Variants in THRAP3 observed in about 807,000 individuals in gnomAD.
The protein encoded by THRAP3 is thyroid hormone receptor-associated protein 3.
Under a neutral mutation model 101.0 loss-of-function variants are expected in THRAP3, and 16 were observed. The observed-to-expected ratio is 0.16, with a 90% CI of 0.11 to 0.24. The LOEUF is 0.24. Among genes scored for constraint, THRAP3 ranks in the 10% least tolerant of loss-of-function variants. The pLI is 1.00. For missense variants in THRAP3, 989 were observed against 1,202.7 expected, an observed-to-expected ratio of 0.82 and a Z score of 2.63; for synonymous variants, 407 against 422.6, an observed-to-expected ratio of 0.96 and a Z score of 0.45.
intron 9 of THRAP3, among the ~76,000 whole-genome samples, chr1:36,298,289 G>A (rs1034142653): frequency 2.6e-5 from 4 of 152,050 alleles, no homozygotes; most frequent in African/African-American, 9.7e-5. Flanking sequence ...TAAAGAACCT[G>A]CGAATCCTCA....
chr1:36,211,020 T>C, the THRAP3 span, among the ~76,000 whole-genome samples: 1 of 150,792 alleles, frequency 6.6e-6, no homozygotes, highest in African/African-American at 2.4e-5. Context: ...GAAACCAGCC[T>C]GGGCAACAAA....
intron 9 of THRAP3, among the ~76,000 whole-genome samples, chr1:36,298,519 G>A (rs575789386): frequency 1.3e-5 from 2 of 152,026 alleles, no homozygotes; most frequent in South Asian, 4.2e-4. Context: ...TTTTTTGGAC[G>A]ATCTTGCTCT....
chr1:36,225,574 T>TA (rs1644952677), intron 1 of THRAP3: 1 of 152,122 alleles, frequency 6.6e-6, no homozygotes, highest in African/African-American at 2.4e-5. Context: ...GTTTTTTTTT[T>TA]AGAGTGTGCG....
At chr1:36,255,096 T>C (rs1172297765) in intron 1 of THRAP3, among the ~76,000 whole-genome samples, 1 of 152,222 alleles carries the variant, frequency 6.6e-6, no homozygotes, top group Non-Finnish European at 1.5e-5. Flanking sequence ...ATTTTTTTTT[T>C]ACAGTGGGGA....
At chr1:36,247,798 A>C (rs1388324411) in intron 1 of THRAP3, among the ~76,000 whole-genome samples, 1 of 151,302 alleles carries the variant, frequency 6.6e-6, no homozygotes, top group East Asian at 1.9e-4. Flanking sequence ...TATTTACTGC[A>C]CTTACCATGT....
At chr1:36,243,518 G>C (rs1438820679) in intron 1 of THRAP3, among the ~76,000 whole-genome samples, 1 of 152,128 alleles carries the variant, frequency 6.6e-6, no homozygotes, top group Non-Finnish European at 1.5e-5. Flanking sequence ...TTGGGGGCAA[G>C]GTCACAGATC....
intron 1 of THRAP3, among the ~76,000 whole-genome samples, chr1:36,253,066 T>G (rs566727375): frequency 2.1e-3 from 318 of 151,072 alleles, no homozygotes; most frequent in Middle Eastern, 6.8e-3. Context: ...GGTTTCCAAG[T>G]TAGCAGTGCC....
intron 1 of THRAP3, among the ~76,000 whole-genome samples, chr1:36,256,195 A>G (rs1208747766): frequency 4.4e-5 from 5 of 114,104 alleles, no homozygotes; most frequent in Admixed American, 9.0e-5. Flanking sequence ...CTGGATTATT[A>G]TTATTATTAT....
rs118033527 is a variant in THRAP3, at chr1:36,237,824, T to C, written c.-135+13319T>C. On this transcript the variant is annotated intron_variant, in intron 1 of 11. Coordinates refer to ENST00000354618, the MANE Select transcript of THRAP3 (RefSeq NM_005119.4). Reference sequence around the variant, plus strand: ...CTAGGTAGGAAATAGGTTTTTTTTGTGTGTGTGTGTGTTTTTGGAGACAAC... The same window carrying C: ...CTAGGTAGGAAATAGGTTTTTTTTGCGTGTGTGTGTGTTTTTGGAGACAAC... Among the ~76,000 whole-genome samples the C allele has an allele frequency of 4.0e-4, 61 of 151,448 alleles. 1 individual carries two copies. In the East Asian group the frequency reaches 8.9e-3, roughly 22 times the overall value.
chr1:36,285,519 TTATA>T (rs1447638295), intron 3 of THRAP3, among the ~76,000 whole-genome samples: 1 of 152,140 alleles, frequency 6.6e-6, no homozygotes, highest in Non-Finnish European at 1.5e-5. Context: ...TCTACCAGAG[TTATA>T]TATTGTTAAA....
At chr1:36,247,870 C>CT (rs550667195) in intron 1 of THRAP3, among the ~76,000 whole-genome samples, 3,117 of 128,502 alleles carry the variant, frequency 0.024, 90 homozygotes, top group African/African-American at 0.058. Context: ...CCATCTTCAT[C>CT]TTTTTTTTTT....
At chr1:36,249,027 G>A (rs1645265625) in intron 1 of THRAP3, among the ~76,000 whole-genome samples, 1 of 151,178 alleles carries the variant, frequency 6.6e-6, no homozygotes, top group Admixed American at 6.6e-5. Flanking sequence ...AGCTGGGACT[G>A]TAGGCATGCA....
intron 9 of THRAP3, among the ~76,000 whole-genome samples, chr1:36,297,927 A>T (rs1255566579): frequency 1.3e-5 from 2 of 150,698 alleles, no homozygotes; most frequent in Non-Finnish European, 3.0e-5. Flanking sequence ...CAGGAAGATC[A>T]CGTGGTCAGG....
chr1:36,260,054 CAACATAGTGA>C (rs1481882261), intron 2 of THRAP3, among the ~76,000 whole-genome samples: 1 of 151,650 alleles, frequency 6.6e-6, no homozygotes, highest in Non-Finnish European at 1.5e-5. Flanking sequence ...CCAGCCTGGC[CAACATAGTGA>C]AACCCCGTCT....
At chr1:36,275,771 C>CAACA (rs1645652104) in intron 2 of THRAP3, among the ~76,000 whole-genome samples, 2 of 151,854 alleles carry the variant, frequency 1.3e-5, no homozygotes, top group Admixed American at 1.3e-4. Context: ...CCTGTAATCC[C>CAACA]AACACTTGGG....
chr1:36,296,666 A>G lies in THRAP3; in HGVS notation c.2199A>G (p.Lys733=). 1 of 1,610,802 alleles carries G rather than the reference A, an allele frequency of 6.2e-7. No homozygotes were observed. Among genetic ancestry groups the G allele is most frequent in the Non-Finnish European group, 8.5e-7 (1 of 1,179,304 alleles). ...AAAAACATAAGGAGAGAGATCTTAA[A>G]CGAGGTAAATCGAGAGAATCAGTGG... ...RRKKHKERDL[K]RGKSRESVDS... Residue 733 remains lysine, a synonymous_variant, in exon 9 of 12, where the codon AAA becomes AAG. Transcript: ENST00000354618.
Position 36,278,848 on chromosome 1 carries a change from A to G in THRAP3, c.-31-3685A>G, listed in dbSNP as rs536537131. Among the ~76,000 whole-genome samples the G allele has an allele frequency of 3.3e-5, 5 of 152,196 alleles. No homozygotes were observed. In the East Asian group the frequency reaches 9.6e-4, roughly 29 times the overall value. On this transcript the variant is annotated intron_variant, in intron 2 of 11. Coordinates refer to ENST00000354618, the MANE Select transcript of THRAP3 (RefSeq NM_005119.4). ...TGAGGCAGGAGAATCACTTGAACCC[A>G]GGTGGCAGAGGTTGCAGTGAGCTGA...
intron 1 of THRAP3, among the ~76,000 whole-genome samples, chr1:36,233,219 T>C (rs1645048729): frequency 1.3e-5 from 2 of 150,952 alleles, no homozygotes; most frequent in African/African-American, 4.9e-5. Context: ...AATTAAAAAG[T>C]TGATTTGGCC....
At chr1:36,242,474 A>G (rs1645172988) in intron 1 of THRAP3, among the ~76,000 whole-genome samples, 1 of 116,686 alleles carries the variant, frequency 8.6e-6, no homozygotes. Context: ...TTTTTTTGAG[A>G]TGGAGTCTTG....
Sources: allele counts gnomAD v4.1 joint callset (sites outside exome capture counted in the v4.1 genomes callset), GRCh38; gene constraint gnomAD v4.1.1; transcripts MANE v1.5; gene names NCBI Gene and HGNC (gene_info 2026-07-23, HGNC 2026-07-21).